The following SYNPR variants were observed in gnomAD, a reference collection of about 807,000 sequenced individuals.
The protein encoded by SYNPR is synaptoporin.
In SYNPR, 23 loss-of-function variants were observed where a neutral mutation model predicts 32.9. That is an observed-to-expected ratio of 0.70 (90% confidence interval 0.50 to 0.99). SYNPR has a LOEUF of 0.99. SYNPR is among the 50% of genes least tolerant of loss of function. The pLI, the probability that SYNPR is intolerant of heterozygous loss-of-function variation, is 0.00. For synonymous variants in SYNPR, 146 were observed against 135.9 expected, an observed-to-expected ratio of 1.07 and a Z score of -0.52; for missense variants, 318 against 349.3, an observed-to-expected ratio of 0.91 and a Z score of 0.71.
chr3:63,588,567 T>A (rs1023656632), intron 4 of SYNPR, among the ~76,000 whole-genome samples: 3 of 152,152 alleles, frequency 2.0e-5, no homozygotes, highest in African/African-American at 7.2e-5. Context: ...GAAAGATTGA[T>A]ATGGTGTTCA....
intron 2 of SYNPR, among the ~76,000 whole-genome samples, chr3:63,318,235 G>A (rs967334203): frequency 1.1e-4 from 16 of 151,916 alleles, no homozygotes; most frequent in Admixed American, 1.0e-3. Context: ...ATGTGCCTAG[G>A]CAAAGATCTT....
chr3:63,252,365 T>C (rs189476641), intron 1 of SYNPR: 10 of 152,354 alleles, frequency 6.6e-5, no homozygotes, highest in Admixed American at 5.9e-4. Flanking sequence ...ATCCATTACA[T>C]TGAATTTGAA....
At chr3:63,354,504 C>T (rs767070758) in intron 2 of SYNPR, among the ~76,000 whole-genome samples, 2 of 152,158 alleles carry the variant, frequency 1.3e-5, no homozygotes, top group Non-Finnish European at 2.9e-5. Context: ...ATGCTCTTCT[C>T]ATGGTGATGG....
chr3:63,473,596 C>A (rs550833241), intron 2 of SYNPR, among the ~76,000 whole-genome samples: 1 of 152,020 alleles, frequency 6.6e-6, no homozygotes. Context: ...AAAGTCTGCT[C>A]GTGTTAAAAA....
intron 2 of SYNPR, among the ~76,000 whole-genome samples, chr3:63,362,211 G>A (rs538403518): frequency 1.3e-5 from 2 of 152,300 alleles, no homozygotes; most frequent in East Asian, 1.9e-4. Flanking sequence ...AACTAGCCTA[G>A]CATGTGATGG....
At chr3:63,468,205 A>AC (rs780401389) in intron 2 of SYNPR, among the ~76,000 whole-genome samples, 2 of 151,890 alleles carry the variant, frequency 1.3e-5, no homozygotes, top group African/African-American at 2.4e-5. Context: ...AAAAAAAAAA[A>AC]AAAAAAAAAG....
At chr3:63,304,354 T>TGTG (rs2086887109) in intron 2 of SYNPR, among the ~76,000 whole-genome samples, 5 of 146,522 alleles carry the variant, frequency 3.4e-5, no homozygotes, top group African/African-American at 1.2e-4. Flanking sequence ...GTGTGTGTGT[T>TGTG]TGTGTGTGTG....
chr3:63,517,476 T>C (rs1424227943), intron 3 of SYNPR, among the ~76,000 whole-genome samples: 5 of 152,166 alleles, frequency 3.3e-5, no homozygotes, highest in Admixed American at 3.3e-4. Flanking sequence ...CGGACACTTC[T>C]AGTATAGACA....
At chr3:63,310,152 C>T (rs917589914) in intron 2 of SYNPR, among the ~76,000 whole-genome samples, 1 of 151,928 alleles carries the variant, frequency 6.6e-6, no homozygotes, top group Admixed American at 6.6e-5. Flanking sequence ...GTATACTCTT[C>T]TTTTTTCCAT....
At chr3:63,456,571 A>G (rs1700486575) in intron 2 of SYNPR, among the ~76,000 whole-genome samples, 1 of 152,124 alleles carries the variant, frequency 6.6e-6, no homozygotes, top group Admixed American at 6.6e-5. Context: ...TCACCCTCTC[A>G]TTTTACAAAG....
intron 2 of SYNPR, among the ~76,000 whole-genome samples, chr3:63,448,872 G>A (rs1253129208): frequency 6.6e-6 from 1 of 152,164 alleles, no homozygotes; most frequent in Non-Finnish European, 1.5e-5. Flanking sequence ...AACTGTTCTA[G>A]TAAGGCATTT....
intron 3 of SYNPR, among the ~76,000 whole-genome samples, chr3:63,269,178 G>C (rs577433481): frequency 6.6e-6 from 1 of 152,176 alleles, no homozygotes; most frequent in Non-Finnish European, 1.5e-5. Context: ...ACAAATATGT[G>C]TACAACTGCT....
At chr3:63,387,602 T>C (rs1364942730) in intron 2 of SYNPR, among the ~76,000 whole-genome samples, 4 of 152,082 alleles carry the variant, frequency 2.6e-5, no homozygotes, top group African/African-American at 7.2e-5. Context: ...ATTTGGAAAA[T>C]GGGTAGTGAA....
intron 2 of SYNPR, among the ~76,000 whole-genome samples, chr3:63,409,975 C>T (rs2088440121): frequency 6.6e-6 from 1 of 152,134 alleles, no homozygotes; most frequent in Non-Finnish European, 1.5e-5. Context: ...ACTCCATTCA[C>T]TAGCATCCTG....
intron 2 of SYNPR, among the ~76,000 whole-genome samples, chr3:63,338,034 T>C (rs895296549): frequency 6.6e-6 from 1 of 152,184 alleles, no homozygotes; most frequent in Non-Finnish European, 1.5e-5. Flanking sequence ...AATGTACCAA[T>C]ATGGGTTTAT....
At position 63,512,277 on chromosome 3, in the gene SYNPR, T is replaced by C. The variant is rs985467673; in HGVS notation, c.209+31321T>C. 3.9e-5 allele frequency among the ~76,000 whole-genome samples: 6 copies of C among 152,110 alleles called. No individual in the cohort carries two copies. The South Asian group carries it at 1.2e-3, about 31-fold the overall frequency. On this transcript the variant is annotated intron_variant, in intron 3 of 5. Coordinates refer to ENST00000478300, the MANE Select transcript of SYNPR (RefSeq NM_001130003.2). ...GTGTGTCTGCCTCATTTTCCCAACC[T>C]CAGTGGGCTTTCTCAATGGATTATG...
At chr3:63,491,569 G>T (rs1701257420) in intron 3 of SYNPR, among the ~76,000 whole-genome samples, 1 of 152,098 alleles carries the variant, frequency 6.6e-6, no homozygotes, top group Admixed American at 6.5e-5. Context: ...CACCCAGGCT[G>T]GAGGGCAATG....
At chr3:63,276,095 T>C (rs1412549353), upstream of SYNPR, among the ~76,000 whole-genome samples, 1 of 152,214 alleles carries the variant, frequency 6.6e-6, no homozygotes, top group Non-Finnish European at 1.5e-5. Context: ...ATCCTTACAC[T>C]GGGACCCAAG....
At chr3:63,313,183 G>A (rs2086986644) in intron 2 of SYNPR, among the ~76,000 whole-genome samples, 1 of 151,774 alleles carries the variant, frequency 6.6e-6, no homozygotes, top group African/African-American at 2.4e-5. Flanking sequence ...TAACTCAAGT[G>A]GCCACTTCAG....
Sources: gnomAD v4.1 joint callset for allele counts (sites outside exome capture counted in the v4.1 genomes callset) on GRCh38, gnomAD v4.1.1 for gene constraint, MANE v1.5 for transcripts, NCBI Gene and HGNC (gene_info 2026-07-23, HGNC 2026-07-21) for gene names.